The following GPRC5C variants were observed in gnomAD, a reference collection of about 807,000 sequenced individuals.
The protein encoded by GPRC5C is G protein-coupled receptor class C group 5 member C, also known as G protein-coupled receptor family C group 5 member C.
GPRC5C carries 22 observed loss-of-function variants against 31.4 expected under a neutral mutation model. The observed-to-expected ratio is 0.70, with a 90% CI of 0.50 to 1.00. The LOEUF is 1.00. Ranked by LOEUF, GPRC5C falls within the 50% of genes least tolerant of loss-of-function variation. GPRC5C has a pLI of 0.00. For missense variants in GPRC5C, 557 were observed against 597.2 expected, an observed-to-expected ratio of 0.93 and a Z score of 0.70; for synonymous variants, 249 against 257.5, an observed-to-expected ratio of 0.97 and a Z score of 0.32.
At chr17:74,439,433 C>A (rs2055491464) in intron 1 of GPRC5C, among the ~76,000 whole-genome samples, 1 of 152,172 alleles carries the variant, frequency 6.6e-6, no homozygotes, top group African/African-American at 2.4e-5. Context: ...TCCACCGTGG[C>A]CGCCAGAGCT....
Position 74,440,332 on chromosome 17 carries a change from G to A in GPRC5C, c.556G>A (p.Gly186Ser), listed in dbSNP as rs1357543146. The change falls in exon 2 of 4, where the codon GGC (glycine) becomes AGC (serine). Residue 186 changes from glycine to serine, a missense_variant. Transcript: ENST00000392627. This position sits in a 1 kb window ranked among gnomAD's most constrained non-coding sequence, Gnocchi z 4.4. ...IITLVRGSGE[G>S]GPQGNSSAGW... Reference sequence around the variant, plus strand: ...CACCCTGGTTCGGGGCAGTGGCGAGGGCGGCCCTCAGGGCAACAGCAGCGC... The same window carrying A: ...CACCCTGGTTCGGGGCAGTGGCGAGAGCGGCCCTCAGGGCAACAGCAGCGC... The A allele has an allele frequency of 6.2e-7, 1 of 1,614,068 alleles. No homozygotes were observed. Among genetic ancestry groups the A allele is most frequent in the Non-Finnish European group, 8.5e-7 (1 of 1,180,028 alleles).
intron 1 of GPRC5C, among the ~76,000 whole-genome samples, chr17:74,435,680 A>AG (rs1355541832): frequency 9.9e-5 from 15 of 152,266 alleles, no homozygotes; most frequent in Admixed American, 9.2e-4. Context: ...GGGAAACTGG[A>AG]GGTGGGGGCT....
At chr17:74,435,377 CATGT>C (rs1285234302) in intron 1 of GPRC5C, among the ~76,000 whole-genome samples, 5 of 152,332 alleles carry the variant, frequency 3.3e-5, no homozygotes, top group African/African-American at 9.6e-5. Flanking sequence ...CACCTGAGTC[CATGT>C]ATTTCTGTCT....
intron 1 of GPRC5C, among the ~76,000 whole-genome samples, chr17:74,436,102 C>A (rs1197485523): frequency 6.6e-6 from 1 of 152,178 alleles, no homozygotes; most frequent in African/African-American, 2.4e-5. Flanking sequence ...TCAGTGGCTG[C>A]CTGTTGCCTT....
Position 74,440,929 on chromosome 17 carries a change from G to C in GPRC5C, c.1051+102G>C. ...TTGAGCAAAATGGAAAGTTTTTGAGGTTTTCTGTAGTTTTCTGCCTAAGTG... is the reference window on the plus strand; with the variant it reads ...TTGAGCAAAATGGAAAGTTTTTGAGCTTTTCTGTAGTTTTCTGCCTAAGTG... On this transcript the variant is annotated intron_variant, in intron 2 of 3. Coordinates refer to ENST00000392627, the MANE Select transcript of GPRC5C (RefSeq NM_022036.4). This position sits in a 1 kb window ranked among gnomAD's most constrained non-coding sequence, Gnocchi z 4.4. 1.1e-6 allele frequency: 1 copy of C among 950,536 alleles called. No individual in the cohort carries two copies. Among genetic ancestry groups the C allele is most frequent in the Non-Finnish European group, 1.4e-6 (1 of 698,286 alleles). 58.9% of individuals were successfully genotyped at this position (950,536 alleles called of 1,614,324 possible).
At chr17:74,447,935 G>C (rs74427887), downstream of GPRC5C, among the ~76,000 whole-genome samples, 1,368 of 152,328 alleles carry the variant, frequency 9.0e-3, 11 homozygotes, top group African/African-American at 0.031. Flanking sequence ...AGAGGGTCAG[G>C]AATTGTTTAC....
intron 1 of GPRC5C, 114 bp from the exon 2 acceptor site, chr17:74,439,631 T>TAG: frequency 3.1e-6 from 3 of 978,762 alleles, no homozygotes; most frequent in African/African-American, 3.2e-5. Flanking sequence ...CCAGAGAGCC[T>TAG]CACGGTCAGC....
chr17:74,443,547 G>A, intron 2 of GPRC5C: 1 of 606,642 alleles, frequency 1.6e-6, no homozygotes, highest in South Asian at 1.6e-5. Flanking sequence ...GAGCTGTTGG[G>A]TCAGGGGCTG....
chr17:74,436,746 G>A (rs115856290), intron 1 of GPRC5C, among the ~76,000 whole-genome samples: 1 of 152,144 alleles, frequency 6.6e-6, no homozygotes, highest in African/African-American at 2.4e-5. Flanking sequence ...AAGTGCAGGT[G>A]TCCGGAGTCT....
At chr17:74,442,477 C>T (rs1198466153) in intron 2 of GPRC5C, among the ~76,000 whole-genome samples, 1 of 152,210 alleles carries the variant, frequency 6.6e-6, no homozygotes, top group Non-Finnish European at 1.5e-5. Context: ...CCTCAGCCTG[C>T]TGGCTGCAGC....
chr17:74,439,615 T>A (rs2055493345), intron 1 of GPRC5C, 130 bp from the exon 2 acceptor site: 1 of 822,152 alleles, frequency 1.2e-6, no homozygotes, highest in Non-Finnish European at 1.9e-6. Context: ...AGAAGGATTC[T>A]GAGGTCCAGA....
At chr17:74,450,517 G>A (rs531519026), downstream of GPRC5C, 6 of 152,366 alleles carry the variant, frequency 3.9e-5, no homozygotes, top group Non-Finnish European at 7.3e-5. Flanking sequence ...GGGCAGATAT[G>A]TAAGTAGGTA....
At chr17:74,448,261 A>G (rs2055671759), downstream of GPRC5C, among the ~76,000 whole-genome samples, 1 of 152,218 alleles carries the variant, frequency 6.6e-6, no homozygotes, top group African/African-American at 2.4e-5. Flanking sequence ...TGATTGCACC[A>G]TTACACTACT....
rs546310363 is a variant in GPRC5C at position 74,444,578 on chromosome 17, G to A, written c.1146+666G>A. On this transcript the variant is annotated intron_variant, in intron 3 of 3. Coordinates refer to ENST00000392627, the MANE Select transcript of GPRC5C (RefSeq NM_022036.4). The stretch of plus-strand genomic sequence containing the variant: ...GCAGGACACTGGGAACAGGAAACAA[G>A]GAGGTCAGCTGGGTGGCGTTCTCAT... Among the ~76,000 whole-genome samples the A allele has an allele frequency of 8.9e-4, 136 of 152,298 alleles. 1 individual carries two copies. The highest frequency in any genetic ancestry group is 6.8e-3 in the Middle Eastern group (2 of 294).
chr17:74,441,981 A>G (rs2055548914), intron 2 of GPRC5C, among the ~76,000 whole-genome samples: 2 of 152,286 alleles, frequency 1.3e-5, no homozygotes, highest in South Asian at 4.1e-4. Flanking sequence ...TTTAAAAGGA[A>G]GTATTTTTCA....
chr17:74,433,234 G>T (rs2055382018), intron 1 of GPRC5C, among the ~76,000 whole-genome samples: 2 of 151,144 alleles, frequency 1.3e-5, no homozygotes, highest in Non-Finnish European at 3.0e-5. Context: ...TCCTCTCCCC[G>T]CCGGCCCCCC....
chr17:74,446,749 G>A, intron 3 of GPRC5C, 100 bp from the exon 4 acceptor site: 1 of 919,068 alleles, frequency 1.1e-6, no homozygotes, highest in Non-Finnish European at 1.7e-6. Context: ...AGTTGGGGGG[G>A]ATCTGGCAGT....
chr17:74,432,131 T>C lies in GPRC5C; in HGVS notation c.-43T>C. The C allele has an allele frequency of 6.2e-7, 1 of 1,613,028 alleles. No individual in the cohort carries two copies. The highest frequency in any genetic ancestry group is 8.5e-7 in the Non-Finnish European group (1 of 1,179,674). ...CACCAGCCGGAAAGTACGAGTCGGCTCAGCCTGGAGGTGAGTCGGGGCGGG... is the reference window on the plus strand; with the variant it reads ...CACCAGCCGGAAAGTACGAGTCGGCCCAGCCTGGAGGTGAGTCGGGGCGGG... On this transcript the variant is annotated 5_prime_UTR_variant, in exon 1 of 4. Coordinates refer to ENST00000392627, the MANE Select transcript of GPRC5C (RefSeq NM_022036.4).
Position 74,440,768 on chromosome 17 carries a change from A to G in GPRC5C, c.992A>G (p.Gln331Arg). The G allele has an allele frequency of 6.4e-7, 1 of 1,570,650 alleles. No individual in the cohort carries two copies. Among genetic ancestry groups the G allele is most frequent in the South Asian group, 1.2e-5 (1 of 86,242 alleles). ...GGCTATGAGACCATCCTGAAAGAGC[A>G]GAAGGGTCAGAGCATGTTCGTGGAG... ...GVGYETILKE[Q>R]KGQSMFVENK... Residue 331 changes from glutamine to arginine, a missense_variant, in exon 2 of 4, where the codon CAG (glutamine) becomes CGG (arginine). Coordinates refer to ENST00000392627, the MANE Select transcript of GPRC5C (RefSeq NM_022036.4). This position sits in a 1 kb window ranked among gnomAD's most constrained non-coding sequence, Gnocchi z 4.4.
Sources: allele counts gnomAD v4.1 joint callset (sites outside exome capture counted in the v4.1 genomes callset), GRCh38; gene constraint gnomAD v4.1.1; non-coding constraint Gnocchi (gnomAD v3.1); transcripts MANE v1.5; gene names NCBI Gene and HGNC (gene_info 2026-07-23, HGNC 2026-07-21).